Variants in ZFAND4 observed in about 807,000 individuals in gnomAD.
ZFAND4 encodes the protein zinc finger AN1-type containing 4, also known as AN1-type zinc finger protein 4.
A neutral mutation model predicts 64.4 loss-of-function variants in ZFAND4; 43 were observed. The observed-to-expected ratio is 0.67, with a 90% CI of 0.52 to 0.86. The LOEUF (loss-of-function observed/expected upper bound fraction) is 0.86, where lower values mean the gene tolerates loss of function less well. Ranked by LOEUF, ZFAND4 falls within the 40% of genes least tolerant of loss-of-function variation. ZFAND4 has a pLI of 0.00. For synonymous variants in ZFAND4, 296 were observed against 305.7 expected (o/e 0.97, Z 0.33); for missense variants, 929 against 859.8 (o/e 1.08, Z -1.01).
At chr10:45,639,483 A>C (rs1462897988) in intron 6 of ZFAND4, among the ~76,000 whole-genome samples, 1 of 152,220 alleles carries the variant, frequency 6.6e-6, no homozygotes, top group Non-Finnish European at 1.5e-5. Context: ...GGCACTATCT[A>C]CTAAATAGTA....
At chr10:45,640,173 T>G (rs2046887545) in intron 5 of ZFAND4, 1 of 1,256,906 alleles carries the variant, frequency 8.0e-7, no homozygotes, top group Non-Finnish European at 1.0e-6. Context: ...CTAGGATTAC[T>G]GAAAATCTAG....
At chr10:45,627,754 CCTGGGCACAGAGTCT>C (rs1392016210) in intron 6 of ZFAND4, among the ~76,000 whole-genome samples, 3 of 152,130 alleles carry the variant, frequency 2.0e-5, no homozygotes, top group African/African-American at 4.8e-5. Context: ...CAGTAAAATC[CCTGGGCACAGAGTCT>C]CTAATGAGCC....
chr10:45,625,408 A>G (rs2045734316), intron 7 of ZFAND4, among the ~76,000 whole-genome samples: 1 of 145,680 alleles, frequency 6.9e-6, no homozygotes, highest in African/African-American at 2.5e-5. Flanking sequence ...CGGGAGGCAG[A>G]GCTTGCAGTG....
chr10:45,655,617 T>A (rs750662458), intron 2 of ZFAND4, among the ~76,000 whole-genome samples: 1 of 152,200 alleles, frequency 6.6e-6, no homozygotes. Context: ...CCATTAGCTA[T>A]ATTAATCAAG....
At chr10:45,663,209 A>G (rs948157706) in intron 2 of ZFAND4, among the ~76,000 whole-genome samples, 6 of 152,182 alleles carry the variant, frequency 3.9e-5, no homozygotes, top group African/African-American at 1.4e-4. Context: ...CATTAAAAGT[A>G]AAATATAAAG....
chr10:45,619,287 G>A (rs892152768), intron 8 of ZFAND4, among the ~76,000 whole-genome samples: 4 of 151,676 alleles, frequency 2.6e-5, no homozygotes, highest in Non-Finnish European at 2.9e-5. Context: ...CTCATGATCC[G>A]CCCATCTCAA....
In ZFAND4 at chr10:45,648,451, T is replaced by G. The variant is rs563232945; in HGVS notation, c.412A>C (p.Lys138Gln). ...VEVWEKTSCS[K>Q]QVTFLVYQEG... ...TGGTATACCAAAAATGTAACTTGTTTGCTGCAGGAGGTCTTCTCCCAGACC... is the reference window on the plus strand; with the variant it reads ...TGGTATACCAAAAATGTAACTTGTTGGCTGCAGGAGGTCTTCTCCCAGACC... The change falls in exon 5 of 10, where the codon AAA (lysine) becomes CAA (glutamine). Residue 138 changes from lysine (K) to glutamine (Q), a missense_variant. By Grantham distance (53) the Lys-to-Gln change is moderately conservative. Transcript: ENST00000344646. 1 of 1,613,978 alleles carries G rather than the reference T, an allele frequency of 6.2e-7. No homozygotes were observed. The highest frequency in any genetic ancestry group is 1.3e-5 in the African/African-American group (1 of 75,058).
At chr10:45,648,021 C>T (rs190367283) in intron 5 of ZFAND4, among the ~76,000 whole-genome samples, 11 of 152,262 alleles carry the variant, frequency 7.2e-5, no homozygotes, top group Admixed American at 3.3e-4. Flanking sequence ...TTAGGTTTAA[C>T]CCTTTCTATT....
intron 5 of ZFAND4, 78 bp from the exon 6 acceptor site, chr10:45,640,041 A>G: frequency 6.8e-7 from 1 of 1,469,398 alleles, no homozygotes. Context: ...TGAAACAGCA[A>G]TCTATAGAAG....
At chr10:45,664,826 G>C (rs1564635058) in intron 1 of ZFAND4, among the ~76,000 whole-genome samples, 1 of 151,998 alleles carries the variant, frequency 6.6e-6, no homozygotes, top group East Asian at 2.0e-4. Context: ...AGCTACTTGG[G>C]AGGCTGAGGC....
intron 6 of ZFAND4, among the ~76,000 whole-genome samples, chr10:45,635,408 C>T (rs2046527590): frequency 6.6e-6 from 1 of 152,010 alleles, no homozygotes; most frequent in South Asian, 2.1e-4. Flanking sequence ...ATGCCAAGAA[C>T]ATACACTGGG....
Position 45,639,968 on chromosome 10 carries a change from A to G in ZFAND4, c.570-5T>C, listed in dbSNP as rs1589329352. 6.3e-7 allele frequency: 1 copy of G among 1,598,790 alleles called. No individual in the cohort carries two copies. The highest frequency in any genetic ancestry group is 8.5e-7 in the Non-Finnish European group (1 of 1,176,434). ...GAATTATACATAGAACCACCACTGCAAAGAAAACAATAACTACTTGAAATT... is the reference window on the plus strand; with the variant it reads ...GAATTATACATAGAACCACCACTGCGAAGAAAACAATAACTACTTGAAATT... On this transcript the variant is annotated splice_polypyrimidine_tract_variant and splice_region_variant and intron_variant, in intron 5 of 9. Coordinates refer to ENST00000344646, the MANE Select transcript of ZFAND4 (RefSeq NM_174890.4).
At chr10:45,666,230 T>C (rs2048815375) in intron 1 of ZFAND4, among the ~76,000 whole-genome samples, 2 of 152,220 alleles carry the variant, frequency 1.3e-5, no homozygotes, top group Admixed American at 1.3e-4. Flanking sequence ...GTTTCTGTCC[T>C]TTTGATTAAA....
chr10:45,615,842 T>C lies in ZFAND4; in HGVS notation c.*594A>G, dbSNP rs2044909648. 6.6e-6 allele frequency: 1 copy of C among 152,172 alleles called. No individual in the cohort carries two copies. The highest frequency in any genetic ancestry group is 2.4e-5 in the African/African-American group (1 of 41,446). 9.4% of individuals were successfully genotyped at this position (152,172 alleles called of 1,614,324 possible). A position where few individuals can be genotyped will look rare whatever the true frequency, so the allele number is the denominator to read the frequency against. On this transcript the variant is annotated 3_prime_UTR_variant, in exon 10 of 10. Coordinates refer to ENST00000344646, the MANE Select transcript of ZFAND4 (RefSeq NM_174890.4). ...TCATGTCCGAATACTAATCTGAATGTGGAAGAAATGTATTATCTGTTAAAA... is the reference window on the plus strand; with the variant it reads ...TCATGTCCGAATACTAATCTGAATGCGGAAGAAATGTATTATCTGTTAAAA...
rs753338488 is a variant in ZFAND4, at chr10:45,624,608, A to T, written c.1902T>A (p.Asn634Lys). ...CTACGCTTTTCCCTGCTGCTGCATT[A>T]TTTCCATTCATTCCAACACCATGGG... ...LSTHGVGMNG[N>K]NAAAGKSVGE... The change falls in exon 8 of 10, where the codon AAT (asparagine) becomes AAA (lysine). Residue 634 changes from asparagine to lysine, a missense_variant. By Grantham distance (94) the Asn-to-Lys change is moderately conservative (BLOSUM62 0). Coordinates refer to ENST00000344646, the MANE Select transcript of ZFAND4 (RefSeq NM_174890.4). 1.9e-5 allele frequency: 31 copies of T among 1,613,848 alleles called. No homozygotes were observed. The highest frequency in any genetic ancestry group is 1.7e-4 in the Admixed American group (10 of 59,998).
rs1465586298 is a variant in ZFAND4 at position 45,626,563 on chromosome 10, G to C, written c.1260C>G (p.Cys420Trp). 6.2e-7 allele frequency: 1 copy of C among 1,614,134 alleles called. No homozygotes were observed. The highest frequency in any genetic ancestry group is 8.5e-7 in the Non-Finnish European group (1 of 1,180,038). Residue 420 changes from cysteine to tryptophan, a missense_variant, in exon 7 of 10, where the codon TGC (cysteine) becomes TGG (tryptophan). Coordinates refer to ENST00000344646, the MANE Select transcript of ZFAND4 (RefSeq NM_174890.4). ...TGAGTAGCAACTCCAGATTCACTTT[G>C]CACGCACCTTCTAAGCCGCTGCTCT... ...DEQSSGLEGACKVNLELLLTN... is the reference protein window; with the variant it reads ...DEQSSGLEGAWKVNLELLLTN...
Position 45,625,974 on chromosome 10 carries a change from A to T in ZFAND4, c.1849T>A (p.Leu617Ile), listed in dbSNP as rs749776780. The part of the protein sequence containing the change: ...EENFRKSSPQ[L>I]EHTGVFLSTH... ...ACCAAAAAAACTCCTGTATGTTCTA[A>T]CTGGGGAGAACTTTTCCTAAAGTTT... Residue 617 changes from leucine to isoleucine, a missense_variant, in exon 7 of 10, where the codon TTA (leucine) becomes ATA (isoleucine). Physicochemically the swap from Leu to Ile is conservative, Grantham distance 5. Coordinates refer to ENST00000344646, the MANE Select transcript of ZFAND4 (RefSeq NM_174890.4). 2 of 1,614,114 alleles carry T rather than the reference A, an allele frequency of 1.2e-6. No individual in the cohort carries two copies. Among genetic ancestry groups the T allele is most frequent in the Non-Finnish European group, 1.7e-6 (2 of 1,180,016 alleles).
intron 6 of ZFAND4, among the ~76,000 whole-genome samples, chr10:45,628,332 T>C (rs2045977252): frequency 6.6e-6 from 1 of 152,160 alleles, no homozygotes; most frequent in Admixed American, 6.5e-5. Context: ...CCTATAGATG[T>C]TTTTATCCTA....
intron 2 of ZFAND4, among the ~76,000 whole-genome samples, chr10:45,662,860 A>T (rs2048566310): frequency 6.6e-6 from 1 of 152,208 alleles, no homozygotes; most frequent in African/African-American, 2.4e-5. Context: ...AGATCCATTT[A>T]CTGTTATATG....
Sources: allele counts gnomAD v4.1 joint callset (sites outside exome capture counted in the v4.1 genomes callset), GRCh38; gene constraint gnomAD v4.1.1; transcripts MANE v1.5; gene names NCBI Gene and HGNC (gene_info 2026-07-23, HGNC 2026-07-21).